The following GAREM1 variants were observed in gnomAD, a reference collection of about 807,000 sequenced individuals.
GAREM1 encodes GRB2-associated and regulator of MAPK protein 1.
GAREM1 carries 26 observed loss-of-function variants against 71.3 expected under a neutral mutation model. The ratio of observed to expected loss-of-function variants is 0.36; its 90% CI spans 0.27 to 0.51. The LOEUF is 0.51. Among genes scored for constraint, GAREM1 ranks in the 20% least tolerant of loss-of-function variants. GAREM1 has a pLI of 0.95. For missense variants in GAREM1, 1,026 were observed against 1,103.1 expected (o/e 0.93, Z 0.99); for synonymous variants, 440 against 433.2 (o/e 1.02, Z -0.20).
chr18:32,334,096 G>A (rs1034768867), intron 2 of GAREM1, among the ~76,000 whole-genome samples: 4 of 152,022 alleles, frequency 2.6e-5, no homozygotes, highest in African/African-American at 7.3e-5. Context: ...CTGGTGTCCC[G>A]AGAGAGAGAA....
chr18:32,290,658 A>G (rs2047072591), intron 3 of GAREM1, among the ~76,000 whole-genome samples: 1 of 151,860 alleles, frequency 6.6e-6, no homozygotes, highest in Non-Finnish European at 1.5e-5. Context: ...AAAAAAAAAA[A>G]AAGAAAAATA....
Position 32,267,618 on chromosome 18 carries a change from T to C in GAREM1, c.*253A>G, listed in dbSNP as rs886721174. On this transcript the variant is annotated 3_prime_UTR_variant, in exon 6 of 6. Coordinates refer to ENST00000269209, the MANE Select transcript of GAREM1 (RefSeq NM_001242409.2). ...AATGATTTCTCTGCACATGCCTTTT[T>C]TTCTTTTAGCAGCTGCTGAGTGTTT... 18 of 367,978 alleles carry C rather than the reference T, an allele frequency of 4.9e-5. No homozygotes were observed. The East Asian group carries it at 7.5e-4, about 15-fold the overall frequency. The allele number at this position is 367,978 out of a possible 1,614,324, so 22.8% of individuals were successfully genotyped here. A position where few individuals can be genotyped will look rare whatever the true frequency, so the allele number is the denominator to read the frequency against.
At chr18:32,352,012 C>A (rs2047757963) in intron 2 of GAREM1, among the ~76,000 whole-genome samples, 1 of 152,072 alleles carries the variant, frequency 6.6e-6, no homozygotes, top group South Asian at 2.1e-4. Context: ...AAAATGATTA[C>A]AAAGTACTTT....
At chr18:32,344,340 C>T (rs2047675088) in intron 2 of GAREM1, among the ~76,000 whole-genome samples, 1 of 152,186 alleles carries the variant, frequency 6.6e-6, no homozygotes, top group Admixed American at 6.5e-5. Flanking sequence ...AAAATTGGGG[C>T]AATGCTGACC....
rs188904921 is a variant in GAREM1, at chr18:32,405,434, C to A, written c.122-12399G>T. ...GCTGGTCTCAAACTCCTGACCTCAA[C>A]TGATCCACACACCTTGGCCTCCCAA... is the stretch of plus-strand genomic sequence containing the variant. On this transcript the variant is annotated intron_variant, in intron 1 of 5. Coordinates refer to ENST00000269209, the MANE Select transcript of GAREM1 (RefSeq NM_001242409.2). Among the ~76,000 whole-genome samples the A allele has an allele frequency of 8.7e-3, 1,318 of 152,094 alleles. 14 individuals carry two copies. Among genetic ancestry groups the A allele is most frequent in the Non-Finnish European group, 0.011 (720 of 67,956 alleles).
At chr18:32,292,703 T>C (rs765749075) in intron 3 of GAREM1, among the ~76,000 whole-genome samples, 3 of 152,192 alleles carry the variant, frequency 2.0e-5, no homozygotes, top group Non-Finnish European at 4.4e-5. Context: ...CCTTTCTCCA[T>C]GAGGGCAAGT....
chr18:32,388,564 A>T (rs1437180183), intron 2 of GAREM1, among the ~76,000 whole-genome samples: 2 of 152,206 alleles, frequency 1.3e-5, no homozygotes, highest in East Asian at 1.9e-4. Context: ...AACTAAAATC[A>T]CCAATAAGGG....
intron 1 of GAREM1, among the ~76,000 whole-genome samples, chr18:32,449,804 A>G (rs1287023192): frequency 6.6e-6 from 1 of 152,238 alleles, no homozygotes; most frequent in Non-Finnish European, 1.5e-5. Flanking sequence ...GAATGGTGAC[A>G]TGCAGTAAAC....
At chr18:32,378,013 T>TGG (rs1491413575) in intron 2 of GAREM1, among the ~76,000 whole-genome samples, 1 of 27,342 alleles carries the variant, frequency 3.7e-5, no homozygotes, top group Non-Finnish European at 8.1e-5. Context: ...ACTATATAAC[T>TGG]GTGTGTGTGT....
intron 4 of GAREM1, among the ~76,000 whole-genome samples, chr18:32,282,420 G>A (rs979769551): frequency 3.3e-5 from 5 of 151,960 alleles, no homozygotes; most frequent in Admixed American, 6.6e-5. Context: ...GTTAGACTCC[G>A]TCTAAAAAAA....
chr18:32,283,771 C>CAGGG lies in GAREM1; in HGVS notation c.1566+3259_1566+3260insCCCT, dbSNP rs1598928420. Among the ~76,000 whole-genome samples, 3 of 152,244 alleles carry CAGGG rather than the reference C, an allele frequency of 2.0e-5. No individual in the cohort carries two copies. In the East Asian group the frequency reaches 5.8e-4, roughly 29 times the overall value. ...CTGGTTGGCTCACGATGTAGTTTCC[C>CAGGG]TGTTTAAGATACAAACAGAAAAGGG... On this transcript the variant is annotated intron_variant, in intron 4 of 5. Transcript: ENST00000269209.
chr18:32,313,254 C>T (rs1020797722), intron 2 of GAREM1, among the ~76,000 whole-genome samples: 2 of 151,958 alleles, frequency 1.3e-5, no homozygotes, highest in Admixed American at 6.6e-5. Context: ...ATAAAATGGG[C>T]ACAGGATCCT....
chr18:32,364,026 A>ATATATTTTT (rs1336753011), intron 2 of GAREM1, among the ~76,000 whole-genome samples: 2 of 46,400 alleles, frequency 4.3e-5, no homozygotes, highest in Admixed American at 2.2e-4. Context: ...ATATATATAT[A>ATATATTTTT]TGTTTTTTTT....
intron 2 of GAREM1, among the ~76,000 whole-genome samples, chr18:32,316,850 C>T (rs969760687): frequency 2.2e-4 from 34 of 152,186 alleles, no homozygotes; most frequent in African/African-American, 7.7e-4. Flanking sequence ...GGTCACAATA[C>T]ACATGCAACT....
At chr18:32,289,778 C>T (rs2047061918) in intron 3 of GAREM1, among the ~76,000 whole-genome samples, 1 of 152,074 alleles carries the variant, frequency 6.6e-6, no homozygotes, top group Non-Finnish European at 1.5e-5. Flanking sequence ...GGAAGCTGCT[C>T]AATATGCTAT....
intron 1 of GAREM1, among the ~76,000 whole-genome samples, chr18:32,410,227 G>A (rs1010409040): frequency 3.9e-5 from 6 of 152,198 alleles, no homozygotes; most frequent in African/African-American, 1.4e-4. Context: ...CCAACTCTCT[G>A]CTTCCAGTAA....
At chr18:32,364,875 GACACAC>G (rs35309414) in intron 2 of GAREM1, among the ~76,000 whole-genome samples, 1,651 of 144,572 alleles carry the variant, frequency 0.011, 31 homozygotes, top group African/African-American at 0.038. Flanking sequence ...TAAGAGCACA[GACACAC>G]ACACACACAC....
At chr18:32,429,399 A>G (rs2048603503) in intron 1 of GAREM1, among the ~76,000 whole-genome samples, 1 of 152,232 alleles carries the variant, frequency 6.6e-6, no homozygotes, top group Non-Finnish European at 1.5e-5. Context: ...TAGTTCAAAG[A>G]ACAACTTCAG....
chr18:32,304,346 A>G (rs2047229379), intron 3 of GAREM1, among the ~76,000 whole-genome samples: 1 of 152,106 alleles, frequency 6.6e-6, no homozygotes, highest in Non-Finnish European at 1.5e-5. Flanking sequence ...AATAAAAGAA[A>G]AAGAAAGAGT....
Sources: gnomAD v4.1 joint callset for allele counts (sites outside exome capture counted in the v4.1 genomes callset) on GRCh38, gnomAD v4.1.1 for gene constraint, MANE v1.5 for transcripts, NCBI Gene and HGNC (gene_info 2026-07-23, HGNC 2026-07-21) for gene names.